ST3GAL3: variants seen among roughly 807,000 people sequenced by gnomAD.
The protein encoded by ST3GAL3 is CMP-N-acetylneuraminate-beta-1,4-galactoside alpha-2,3-sialyltransferase.
Under a neutral mutation model 50.1 loss-of-function variants are expected in ST3GAL3, and 21 were observed. The ratio of observed to expected loss-of-function variants is 0.42; its 90% CI spans 0.30 to 0.60. The LOEUF (loss-of-function observed/expected upper bound fraction) is 0.60. Among genes scored for constraint, ST3GAL3 ranks in the 20% least tolerant of loss-of-function variants. The pLI is 0.19. For synonymous variants in ST3GAL3, 183 were observed against 190.0 expected, an observed-to-expected ratio of 0.96 and a Z score of 0.30; for missense variants, 353 against 489.4, an observed-to-expected ratio of 0.72 and a Z score of 2.63.
chr1:43,745,788 C>T (rs990418754), intron 2 of ST3GAL3, among the ~76,000 whole-genome samples: 31 of 152,156 alleles, frequency 2.0e-4, no homozygotes, highest in African/African-American at 7.2e-4. Flanking sequence ...GCCACCACAC[C>T]CAGCTAATTT....
At chr1:43,886,061 A>T (rs1458400862) in intron 5 of ST3GAL3, among the ~76,000 whole-genome samples, 1 of 152,198 alleles carries the variant, frequency 6.6e-6, no homozygotes, top group Non-Finnish European at 1.5e-5. Flanking sequence ...TAGAAGGAAG[A>T]TATTGAATGT....
chr1:43,924,973 C>T (rs1217933924), intron 11 of ST3GAL3, among the ~76,000 whole-genome samples: 2 of 152,142 alleles, frequency 1.3e-5, no homozygotes, highest in Admixed American at 6.5e-5. Flanking sequence ...TGCTGCACTA[C>T]ACTCCCTGTA....
intron 5 of ST3GAL3, chr1:43,851,449 G>C: frequency 6.2e-7 from 1 of 1,610,426 alleles, no homozygotes; most frequent in Non-Finnish European, 8.5e-7. Flanking sequence ...GCTCGCTTCT[G>C]ACAGAGGGTC....
intron 1 of ST3GAL3, among the ~76,000 whole-genome samples, chr1:43,708,932 C>G (rs1663054322): frequency 6.6e-6 from 1 of 152,142 alleles, no homozygotes; most frequent in African/African-American, 2.4e-5. Context: ...GAAACTTGCT[C>G]TAATGGGCCT....
At chr1:43,906,150 TC>T (rs1486930041) in intron 9 of ST3GAL3, among the ~76,000 whole-genome samples, 2 of 87,280 alleles carry the variant, frequency 2.3e-5, no homozygotes, top group Non-Finnish European at 4.5e-5. Flanking sequence ...CCACTGTTCC[TC>T]CCCCTCCTCC....
chr1:43,708,344 A>C (rs1228220043), intron 1 of ST3GAL3, among the ~76,000 whole-genome samples: 2 of 152,152 alleles, frequency 1.3e-5, no homozygotes, highest in Non-Finnish European at 2.9e-5. Flanking sequence ...TGTTTCCTTC[A>C]CGTATGAGGA....
At chr1:43,764,732 G>T (rs1440319283) in intron 2 of ST3GAL3, among the ~76,000 whole-genome samples, 1 of 152,228 alleles carries the variant, frequency 6.6e-6, no homozygotes, top group Non-Finnish European at 1.5e-5. Flanking sequence ...CTCCTGACCC[G>T]TCATTGGACG....
intron 11 of ST3GAL3, among the ~76,000 whole-genome samples, chr1:43,926,315 G>A (rs1260828933): frequency 2.0e-5 from 3 of 152,194 alleles, no homozygotes; most frequent in Non-Finnish European, 2.9e-5. Context: ...CTGGCCGGGC[G>A]CGGTCCCTCA....
chr1:43,893,388 G>A (rs1202265379), intron 5 of ST3GAL3, among the ~76,000 whole-genome samples: 1 of 152,246 alleles, frequency 6.6e-6, no homozygotes, highest in Non-Finnish European at 1.5e-5. Flanking sequence ...AGCACACAGT[G>A]AGTGATCAGA....
Position 43,728,843 on chromosome 1 carries a change from A to G in ST3GAL3, c.-30-7390A>G, listed in dbSNP as rs749086480. The stretch of plus-strand genomic sequence containing the variant: ...ATATATAACACACATATATACACAT[A>G]TGTATACACACATATGTACATATAC... On this transcript the variant is annotated intron_variant, in intron 1 of 11. Coordinates refer to ENST00000347631, the MANE Select transcript of ST3GAL3 (RefSeq NM_006279.5). Among the ~76,000 whole-genome samples the G allele has an allele frequency of 4.1e-4, 62 of 152,182 alleles. 2 individuals carry two copies. Among genetic ancestry groups the G allele is most frequent in the Admixed American group, 2.9e-3 (44 of 15,266 alleles).
intron 10 of ST3GAL3, 42 bp downstream of exon 10, chr1:43,920,592 G>A (rs769599627): frequency 1.2e-6 from 2 of 1,611,256 alleles, no homozygotes; most frequent in Admixed American, 1.7e-5. Flanking sequence ...GGAAAGCTGG[G>A]TCAGAAGTGC....
intron 1 of ST3GAL3, among the ~76,000 whole-genome samples, chr1:43,712,810 G>A (rs1290926661): frequency 6.6e-6 from 1 of 152,202 alleles, no homozygotes; most frequent in African/African-American, 2.4e-5. Flanking sequence ...AAAGACACTG[G>A]TGTGGCAGGA....
intron 5 of ST3GAL3, among the ~76,000 whole-genome samples, chr1:43,854,529 G>C (rs2067967274): frequency 6.6e-6 from 1 of 152,056 alleles, no homozygotes; most frequent in African/African-American, 2.4e-5. Flanking sequence ...CTTAAATGTT[G>C]ATGTTTGCCT....
intron 5 of ST3GAL3, chr1:43,850,247 G>C (rs2067029439): frequency 2.3e-6 from 1 of 432,726 alleles, no homozygotes; most frequent in East Asian, 6.3e-5. Context: ...GGATCCTCCA[G>C]CAGGTAGCTT....
chr1:43,817,858 C>T (rs1051570660), intron 4 of ST3GAL3, among the ~76,000 whole-genome samples: 2 of 134,282 alleles, frequency 1.5e-5, no homozygotes, highest in Admixed American at 7.4e-5. Flanking sequence ...TTCTCCTCCT[C>T]CTCCTCTTCC....
At position 43,899,154 on chromosome 1, in the gene ST3GAL3, C is replaced by A; in HGVS notation, c.462-14C>A. 6.2e-7 allele frequency: 1 copy of A among 1,614,058 alleles called. No homozygotes were observed. The highest frequency in any genetic ancestry group is 8.5e-7 in the Non-Finnish European group (1 of 1,180,014). ...CAGCTCTCTGTACAGAGGTCTCCGC[C>A]TCTCTCCCCTCAGCCTCCGCTGCCG... On this transcript the variant is annotated splice_polypyrimidine_tract_variant and intron_variant, in intron 7 of 11. Transcript: ENST00000347631. The surrounding 1 kb of genome is among the most constrained non-coding windows in gnomAD (Gnocchi z 5.4).
chr1:43,857,508 T>C (rs2068676801), intron 5 of ST3GAL3, among the ~76,000 whole-genome samples: 10 of 140,386 alleles, frequency 7.1e-5, no homozygotes, highest in South Asian at 4.8e-4. Flanking sequence ...TCCCTCTTCC[T>C]TCCTTCCTTC....
chr1:43,786,888 C>T (rs2057411657), intron 2 of ST3GAL3, among the ~76,000 whole-genome samples: 1 of 152,084 alleles, frequency 6.6e-6, no homozygotes, highest in African/African-American at 2.4e-5. Context: ...CTTGAGGGAA[C>T]AATTTTCTTT....
intron 2 of ST3GAL3, among the ~76,000 whole-genome samples, chr1:43,744,855 A>T (rs562242811): frequency 6.6e-6 from 1 of 151,750 alleles, no homozygotes; most frequent in East Asian, 1.9e-4. Context: ...GCTTGGCGTG[A>T]TGGCATGTGC....
Sources: allele counts gnomAD v4.1 joint callset (sites outside exome capture counted in the v4.1 genomes callset), GRCh38; gene constraint gnomAD v4.1.1; non-coding constraint Gnocchi (gnomAD v3.1); transcripts MANE v1.5; gene names NCBI Gene and HGNC (gene_info 2026-07-23, HGNC 2026-07-21).